GSE1: variants seen among roughly 807,000 people sequenced by gnomAD.
GSE1 encodes Gse1 coiled-coil protein.
A neutral mutation model predicts 112.6 loss-of-function variants in GSE1; 32 were observed. The observed-to-expected ratio is 0.28, with a 90% CI of 0.21 to 0.38. The LOEUF (loss-of-function observed/expected upper bound fraction) is 0.38, where lower values mean the gene tolerates loss of function less well. Among genes scored for constraint, GSE1 ranks in the 10% least tolerant of loss-of-function variants. The probability of loss-of-function intolerance (pLI) is 1.00; values close to 1 mark genes in which losing one functional copy is unlikely to be tolerated. For missense variants in GSE1, 2,348 were observed against 1,699.2 expected, an observed-to-expected ratio of 1.38 and a Z score of -6.71; for synonymous variants, 1,115 against 735.6, an observed-to-expected ratio of 1.52 and a Z score of -8.35.
At chr16:85,507,825 C>T (rs960402254) in intron 2 of GSE1, among the ~76,000 whole-genome samples, 1 of 152,136 alleles carries the variant, frequency 6.6e-6, no homozygotes, top group Non-Finnish European at 1.5e-5. Context: ...CACAAATCAG[C>T]CTATAATAGG....
chr16:85,195,361 ACGTTG>A (rs1373386263), intron 1 of GSE1, among the ~76,000 whole-genome samples: 25 of 152,244 alleles, frequency 1.6e-4, no homozygotes, highest in African/African-American at 6.0e-4. Flanking sequence ...AGCAAGAACC[ACGTTG>A]GAGGTGGGGG....
chr16:85,214,110 T>C (rs2075270515), intron 1 of GSE1, among the ~76,000 whole-genome samples: 1 of 152,214 alleles, frequency 6.6e-6, no homozygotes. Context: ...AGAAAGAAGA[T>C]TGACATCGTA....
intron 2 of GSE1, among the ~76,000 whole-genome samples, chr16:85,462,668 G>A (rs1424681871): frequency 7.0e-6 from 1 of 143,222 alleles, no homozygotes; most frequent in African/African-American, 2.5e-5. Flanking sequence ...CCCGGGGAGC[G>A]CGGGCGGGGG....
At chr16:85,336,087 C>T (rs780532765) in intron 1 of GSE1, among the ~76,000 whole-genome samples, 3 of 152,166 alleles carry the variant, frequency 2.0e-5, no homozygotes, top group Non-Finnish European at 2.9e-5. Flanking sequence ...GCCCCTGCCC[C>T]GGGTTCAGGC....
At chr16:85,334,917 A>C (rs1359901961) in intron 1 of GSE1, among the ~76,000 whole-genome samples, 1 of 152,128 alleles carries the variant, frequency 6.6e-6, no homozygotes, top group Non-Finnish European at 1.5e-5. Flanking sequence ...AACTTTTATC[A>C]CCAGGGAGAC....
chr16:85,501,081 A>C (rs1428437128), intron 2 of GSE1, among the ~76,000 whole-genome samples: 1 of 139,544 alleles, frequency 7.2e-6, no homozygotes, highest in Non-Finnish European at 1.5e-5. Context: ...GCTCACTGCA[A>C]GCTCCGCCTC....
chr16:85,377,918 C>T (rs1166015236), intron 2 of GSE1, among the ~76,000 whole-genome samples: 1 of 152,254 alleles, frequency 6.6e-6, no homozygotes, highest in Non-Finnish European at 1.5e-5. Context: ...CAGGGCCTGG[C>T]CGCTCCTTGG....
intron 2 of GSE1, among the ~76,000 whole-genome samples, chr16:85,472,211 A>G (rs2050316622): frequency 1.3e-5 from 2 of 152,284 alleles, no homozygotes; most frequent in African/African-American, 4.8e-5. Flanking sequence ...ATGATAAATG[A>G]CCATAAACTG....
At chr16:85,257,948 G>A (rs1907257597) in intron 1 of GSE1, among the ~76,000 whole-genome samples, 1 of 152,236 alleles carries the variant, frequency 6.6e-6, no homozygotes, top group African/African-American at 2.4e-5. Flanking sequence ...GATTCCAGGG[G>A]CCTAGGAGGG....
intron 2 of GSE1, among the ~76,000 whole-genome samples, chr16:85,638,558 A>C (rs933753373): frequency 1.3e-5 from 2 of 151,972 alleles, no homozygotes; most frequent in Non-Finnish European, 2.9e-5. Flanking sequence ...GCAGGTCTCT[A>C]CCTCATGAAT....
At chr16:85,426,088 T>G (rs1401549670) in intron 2 of GSE1, among the ~76,000 whole-genome samples, 1 of 83,720 alleles carries the variant, frequency 1.2e-5, no homozygotes, top group Non-Finnish European at 3.1e-5. Flanking sequence ...GATGGATGGG[T>G]GAATGAGAGG....
At chr16:85,463,737 G>A (rs974990688) in intron 2 of GSE1, among the ~76,000 whole-genome samples, 1 of 152,168 alleles carries the variant, frequency 6.6e-6, no homozygotes, top group Non-Finnish European at 1.5e-5. Flanking sequence ...GTTAGGCAGC[G>A]AGAGGGTAAG....
At chr16:85,392,835 C>T (rs1337212327) in intron 2 of GSE1, among the ~76,000 whole-genome samples, 6 of 152,214 alleles carry the variant, frequency 3.9e-5, no homozygotes, top group Admixed American at 3.3e-4. Flanking sequence ...GCTGGAGAGG[C>T]GGCTGGGGCC....
chr16:85,202,336 C>G (rs957439288), intron 1 of GSE1, among the ~76,000 whole-genome samples: 2 of 152,252 alleles, frequency 1.3e-5, no homozygotes, highest in Non-Finnish European at 2.9e-5. Flanking sequence ...CCGTTTGTGC[C>G]CCACACGGCC....
intron 1 of GSE1, among the ~76,000 whole-genome samples, chr16:85,251,604 G>A (rs1906491212): frequency 6.6e-6 from 1 of 152,228 alleles, no homozygotes; most frequent in Non-Finnish European, 1.5e-5. Flanking sequence ...TGGGCCCGGG[G>A]CCTGCCTGCC....
At chr16:85,220,929 C>G (rs908545349) in intron 1 of GSE1, among the ~76,000 whole-genome samples, 1 of 148,526 alleles carries the variant, frequency 6.7e-6, no homozygotes, top group Non-Finnish European at 1.5e-5. Flanking sequence ...CCTTGCCCCC[C>G]ACCCCTCCTG....
rs570340743 is a variant in GSE1, at chr16:85,473,781, G to C, written c.2464+116138G>C. On this transcript the variant is annotated intron_variant, in intron 2 of 2. Transcript: ENST00000637419. ...TGGTCCTGTCTTTTGCGGGGCGGAG[G>C]GGGGGTCACCATTCAGCACTACAGG... Among the ~76,000 whole-genome samples, 25 of 148,856 alleles carry C rather than the reference G, an allele frequency of 1.7e-4. No individual in the cohort carries two copies. The East Asian group carries it at 3.9e-3, about 23-fold the overall frequency.
At position 85,199,888 on chromosome 16, in the gene GSE1, G is replaced by A. The variant is rs139662071; in HGVS notation, c.2283+28081G>A. On this transcript the variant is annotated intron_variant, in intron 1 of 2. Transcript: ENST00000637419. ...AGGGAGGGGGCTACTGCAGTGGTCC[G>A]AGCACCAGTGATGGGACAGCGTGGA... Among the ~76,000 whole-genome samples, 256 of 152,210 alleles carry A rather than the reference G, an allele frequency of 1.7e-3. 6 individuals carry two copies. In the East Asian group the frequency reaches 0.037, roughly 22 times the overall value.
rs187908441 is a variant in GSE1 at position 85,349,749 on chromosome 16, C to G, written c.2284-7714C>G. ...TGTCAGGATGCTGGCGTCTCTTCCC[C>G]CTCCTGCGGTTGTGTTCCTTGTCTC... On this transcript the variant is annotated intron_variant, in intron 1 of 2. Coordinates refer to the GSE1 transcript ENST00000637419. Among the ~76,000 whole-genome samples, 44 of 152,334 alleles carry G rather than the reference C, an allele frequency of 2.9e-4. 2 individuals are homozygous for G. In the East Asian group the frequency reaches 8.1e-3, roughly 28 times the overall value.
Sources: gnomAD v4.1 joint callset for allele counts (sites outside exome capture counted in the v4.1 genomes callset) on GRCh38, gnomAD v4.1.1 for gene constraint, MANE v1.5 for transcripts, NCBI Gene and HGNC (gene_info 2026-07-23, HGNC 2026-07-21) for gene names.